The following NCALD variants were observed in gnomAD, a reference collection of about 807,000 sequenced individuals.
The protein encoded by NCALD is neurocalcin delta.
In NCALD, 10 loss-of-function variants were observed where a neutral mutation model predicts 18.6. The observed-to-expected ratio is 0.54, with a 90% CI of 0.33 to 0.91. The LOEUF (loss-of-function observed/expected upper bound fraction) is 0.91, where lower values mean the gene tolerates loss of function less well. NCALD is among the 40% of genes least tolerant of loss of function. The probability of loss-of-function intolerance (pLI) is 0.03; values close to 1 mark genes in which losing one functional copy is unlikely to be tolerated. For synonymous variants in NCALD, 88 were observed against 87.4 expected (o/e 1.01, Z -0.04); for missense variants, 184 against 247.6 (o/e 0.74, Z 1.72).
intron 1 of NCALD, among the ~76,000 whole-genome samples, chr8:102,082,224 CTCTTTTT>C (rs1286494434): frequency 5.5e-5 from 6 of 109,404 alleles, no homozygotes; most frequent in African/African-American, 2.3e-4. Flanking sequence ...GAGAAGCTCT[CTCTTTTT>C]TTTTTTTTTT....
intron 2 of NCALD, among the ~76,000 whole-genome samples, chr8:102,000,901 GT>G: frequency 1.3e-5 from 2 of 152,258 alleles, no homozygotes; most frequent in Middle Eastern, 6.8e-3. Context: ...AAGACCAAAG[GT>G]AGACAAAACC....
chr8:102,046,120 G>T (rs968439955), intron 1 of NCALD, among the ~76,000 whole-genome samples: 1 of 152,158 alleles, frequency 6.6e-6, no homozygotes, highest in African/African-American at 2.4e-5. Context: ...GTAATTCATT[G>T]TTGGCTGGAT....
chr8:101,965,728 T>C (rs562421562), intron 2 of NCALD, among the ~76,000 whole-genome samples: 5 of 152,304 alleles, frequency 3.3e-5, no homozygotes, highest in Admixed American at 3.3e-4. Context: ...CAAACCTGCA[T>C]GTTCTGCACA....
At chr8:102,067,170 G>T (rs1563588740) in intron 1 of NCALD, among the ~76,000 whole-genome samples, 1 of 152,172 alleles carries the variant, frequency 6.6e-6, no homozygotes. Flanking sequence ...GGAGAGAAAT[G>T]GGTCCACCTG....
chr8:102,001,207 G>A (rs1249568970), intron 2 of NCALD, among the ~76,000 whole-genome samples: 1 of 152,222 alleles, frequency 6.6e-6, no homozygotes, highest in African/African-American at 2.4e-5. Flanking sequence ...GAAAACCATG[G>A]CACGAGAACT....
At chr8:101,691,023 C>T (rs1037308426) in intron 3 of NCALD, 6 of 985,240 alleles carry the variant, frequency 6.1e-6, no homozygotes, top group African/African-American at 3.5e-5. Context: ...CTTTTCAAAT[C>T]GGAGGCCAGA....
chr8:101,791,963 G>T (rs1812463160), upstream of NCALD, among the ~76,000 whole-genome samples: 1 of 152,116 alleles, frequency 6.6e-6, no homozygotes, highest in African/African-American at 2.4e-5. Context: ...CTGCACACGT[G>T]CCTATTTCCC....
intron 2 of NCALD, among the ~76,000 whole-genome samples, chr8:102,015,303 A>G (rs1178986485): frequency 6.6e-6 from 1 of 152,146 alleles, no homozygotes; most frequent in Non-Finnish European, 1.5e-5. Flanking sequence ...CCTCAGAATA[A>G]AGCTATTCTA....
chr8:101,870,890 C>T (rs1199256876), intron 4 of NCALD, among the ~76,000 whole-genome samples: 1 of 57,478 alleles, frequency 1.7e-5, no homozygotes, highest in Non-Finnish European at 3.1e-5. Flanking sequence ...GCTCTACCAC[C>T]GCCCCCACCC....
At chr8:102,119,767 C>G (rs1825890716) in intron 1 of NCALD, among the ~76,000 whole-genome samples, 1 of 152,230 alleles carries the variant, frequency 6.6e-6, no homozygotes, top group South Asian at 2.1e-4. Flanking sequence ...CTAATTATGT[C>G]TTGCACTTTC....
intron 4 of NCALD, among the ~76,000 whole-genome samples, chr8:101,801,102 GAA>G (rs960849148): frequency 4.0e-5 from 6 of 151,754 alleles, no homozygotes; most frequent in African/African-American, 1.5e-4. Flanking sequence ...GGAGGAAAAA[GAA>G]AGAGAAAGAA....
At chr8:101,916,448 A>G (rs1373963776) in intron 2 of NCALD, among the ~76,000 whole-genome samples, 1 of 152,172 alleles carries the variant, frequency 6.6e-6, no homozygotes, top group African/African-American at 2.4e-5. Context: ...CACAGACTCT[A>G]TAAAACAACT....
At chr8:101,899,413 A>C (rs929173526) in intron 3 of NCALD, among the ~76,000 whole-genome samples, 7 of 151,928 alleles carry the variant, frequency 4.6e-5, no homozygotes, top group South Asian at 2.1e-4. Context: ...TGCATGTCAA[A>C]CTTTCAGTAC....
intron 4 of NCALD, among the ~76,000 whole-genome samples, chr8:101,841,499 C>T (rs976724031): frequency 2.0e-5 from 3 of 152,170 alleles, no homozygotes; most frequent in Non-Finnish European, 4.4e-5. Context: ...CCATTAGGTG[C>T]CAATAGCAAC....
Position 101,867,178 on chromosome 8 carries a change from T to C in NCALD, c.-20+19963A>G, listed in dbSNP as rs1815805702. Among the ~76,000 whole-genome samples, 5 of 152,308 alleles carry C rather than the reference T, an allele frequency of 3.3e-5. No homozygotes were observed. In the South Asian group the frequency reaches 1.0e-3, roughly 32 times the overall value. On this transcript the variant is annotated intron_variant, in intron 4 of 6. Transcript: ENST00000311028. ...CCTCCCTCATTTCCTTCAGGCTTTT[T>C]CTCAAAAGTCACCTTCTCAATGGAA...
At chr8:101,967,783 C>A (rs1314328733) in intron 2 of NCALD, among the ~76,000 whole-genome samples, 1 of 152,072 alleles carries the variant, frequency 6.6e-6, no homozygotes, top group East Asian at 1.9e-4. Flanking sequence ...CTCTCTACCC[C>A]AGAGTAGGCC....
intron 1 of NCALD, among the ~76,000 whole-genome samples, chr8:101,761,992 G>A (rs1294319651): frequency 6.6e-6 from 1 of 152,210 alleles, no homozygotes; most frequent in East Asian, 1.9e-4. Context: ...TATGGAAGGA[G>A]TTGGGCCCCT....
At chr8:102,091,280 T>G (rs546388967) in intron 1 of NCALD, among the ~76,000 whole-genome samples, 1 of 152,320 alleles carries the variant, frequency 6.6e-6, no homozygotes, top group East Asian at 1.9e-4. Context: ...TACCAGGATT[T>G]GTTGCTAGTA....
intron 4 of NCALD, among the ~76,000 whole-genome samples, chr8:101,834,484 C>T (rs887340366): frequency 5.9e-5 from 9 of 152,218 alleles, no homozygotes; most frequent in Non-Finnish European, 7.3e-5. Context: ...CTTGTTTCCT[C>T]GTTCCTCAGT....
Sources: allele counts gnomAD v4.1 joint callset (sites outside exome capture counted in the v4.1 genomes callset), GRCh38; gene constraint gnomAD v4.1.1; transcripts MANE v1.5; gene names NCBI Gene and HGNC (gene_info 2026-07-23, HGNC 2026-07-21).